PRELID3B: variants seen among roughly 807,000 people sequenced by gnomAD.
The protein encoded by PRELID3B is PRELI domain containing protein 3B.
A neutral mutation model predicts 24.0 loss-of-function variants in PRELID3B; 15 were observed. That is an observed-to-expected ratio of 0.63 (90% CI 0.42 to 0.96). The LOEUF (loss-of-function observed/expected upper bound fraction) is 0.96. Among genes scored for constraint, PRELID3B ranks in the 40% least tolerant of loss-of-function variants. The pLI is 0.00. For synonymous variants in PRELID3B, 62 were observed against 76.0 expected, an observed-to-expected ratio of 0.82 and a Z score of 0.96; for missense variants, 189 against 236.0, an observed-to-expected ratio of 0.80 and a Z score of 1.30.
At chr20:59,036,604 A>G in intron 4 of PRELID3B, 31 bp from the exon 5 acceptor site, 1 of 1,597,062 alleles carries the variant, frequency 6.3e-7, no homozygotes, top group Non-Finnish European at 8.6e-7. Context: ...ACAGGTTCAG[A>G]TGACCCAGCT....
At position 59,036,514 on chromosome 20, in the gene PRELID3B, A is replaced by G. The variant is rs1362901567; in HGVS notation, c.422T>C (p.Leu141Pro). 3 of 1,614,210 alleles carry G rather than the reference A, an allele frequency of 1.9e-6. No homozygotes were observed. In the African/African-American group the frequency reaches 4.0e-5, roughly 22 times the overall value. The part of the protein sequence containing the change: ...TVKGVSLSSY[L>P]EGLMASTISS... ...TATCGTACTTGCCATCAGTCCTTCA[A>G]GGTAACTGCTGAGGCTAACTCCTTT... The change falls in exon 5 of 6, where the codon CTT (leucine) becomes CCT (proline). Residue 141 changes from leucine (L) to proline (P), a missense_variant. By Grantham distance (98) the Leu-to-Pro change is moderately conservative. Transcript: ENST00000355937.
chr20:59,034,986 G>A lies in PRELID3B; in HGVS notation c.*21C>T, dbSNP rs770735526. On this transcript the variant is annotated 3_prime_UTR_variant, in exon 6 of 6. Coordinates refer to ENST00000355937, the MANE Select transcript of PRELID3B (RefSeq NM_016045.3). Reference sequence around the variant, plus strand: ...TTTGGAGAGACCTGGAGTACCCGATGTTGTCTACCAACTGTCACGATCACT... The same window carrying A: ...TTTGGAGAGACCTGGAGTACCCGATATTGTCTACCAACTGTCACGATCACT... 5 of 1,601,774 alleles carry A rather than the reference G, an allele frequency of 3.1e-6. No homozygotes were observed. The highest frequency in any genetic ancestry group is 1.7e-5 in the Admixed American group (1 of 57,950).
chr20:59,041,867 C>T (rs976945042), intron 1 of PRELID3B, among the ~76,000 whole-genome samples: 1 of 152,168 alleles, frequency 6.6e-6, no homozygotes, highest in Non-Finnish European at 1.5e-5. Context: ...CGGAACAGAG[C>T]AGGTAACTCG....
intron 1 of PRELID3B, among the ~76,000 whole-genome samples, chr20:59,041,789 G>C (rs1431191838): frequency 1.3e-5 from 2 of 152,112 alleles, no homozygotes; most frequent in East Asian, 3.8e-4. Flanking sequence ...AAACATAAAT[G>C]GCTTTGTAGC....
intron 5 of PRELID3B, 79 bp from the exon 6 acceptor site, chr20:59,035,205 A>C: frequency 7.4e-7 from 1 of 1,351,982 alleles, no homozygotes; most frequent in South Asian, 1.5e-5. Flanking sequence ...ACCAGGAAGT[A>C]ACAAGGGGCG....
In PRELID3B at chr20:59,038,860, A is replaced by G. The variant is rs549478694; in HGVS notation, c.33-226T>C. On this transcript the variant is annotated intron_variant, in intron 1 of 5. Transcript: ENST00000355937. ...CAATACAGGCTATGTAAAAAAACTC[A>G]TATCTATAAAGATCAAAGCAGTCTA... is the stretch of plus-strand genomic sequence containing the variant. Among the ~76,000 whole-genome samples the G allele has an allele frequency of 7.2e-5, 11 of 152,318 alleles. No individual in the cohort carries two copies. In the South Asian group the frequency reaches 1.9e-3, roughly 26 times the overall value.
In PRELID3B at chr20:59,036,586, A is replaced by T. The variant is rs1280556056; in HGVS notation, c.363-13T>A. On this transcript the variant is annotated splice_polypyrimidine_tract_variant and intron_variant, in intron 4 of 5. Transcript: ENST00000355937. Reference sequence around the variant, plus strand: ...TGTCAAAACAGTTCTGGAACAAAACATATTCACACAGGTTCAGATGACCCA... The same window carrying T: ...TGTCAAAACAGTTCTGGAACAAAACTTATTCACACAGGTTCAGATGACCCA... The T allele has an allele frequency of 1.2e-6, 2 of 1,607,686 alleles. No individual in the cohort carries two copies. Among genetic ancestry groups the T allele is most frequent in the Non-Finnish European group, 1.7e-6 (2 of 1,176,304 alleles).
chr20:59,037,104 C>T, intron 3 of PRELID3B, 87 bp downstream of exon 3: 1 of 960,706 alleles, frequency 1.0e-6, no homozygotes, highest in Non-Finnish European at 1.6e-6. Context: ...ACATCATGAA[C>T]ACGCACTCAC....
Position 59,035,048 on chromosome 20 carries a change from T to G in PRELID3B, c.544A>C (p.Ile182Leu). Residue 182 changes from isoleucine (I) to leucine (L), a missense_variant, in exon 6 of 6, where the codon ATA (isoleucine) becomes CTA (leucine). Transcript: ENST00000355937. The stretch of plus-strand genomic sequence containing the variant: ...GCTGCTGCTGCCATTGGAGTCCTTA[T>G]GGTTCCTCTTGCTGAGGCTGTCAGT... ...EELTASARGT[I>L]RTPMAAAAFA... The G allele has an allele frequency of 6.2e-7, 1 of 1,614,082 alleles. No individual in the cohort carries two copies. Among genetic ancestry groups the G allele is most frequent in the Non-Finnish European group, 8.5e-7 (1 of 1,179,986 alleles).
At chr20:59,036,635 T>TAA in intron 4 of PRELID3B, 55 bp downstream of exon 4, 7 of 1,582,970 alleles carry the variant, frequency 4.4e-6, no homozygotes, top group Non-Finnish European at 6.1e-6. Context: ...AAAAACTTGA[T>TAA]AAAAAAACCT....
intron 1 of PRELID3B, 123 bp downstream of exon 1, chr20:59,042,576 C>G: frequency 1.9e-6 from 2 of 1,080,970 alleles, no homozygotes; most frequent in South Asian, 2.9e-5. Flanking sequence ...CCGCAGGCTT[C>G]AGAGTTCGCT....
intron 1 of PRELID3B, among the ~76,000 whole-genome samples, 173 bp from the exon 2 acceptor site, chr20:59,038,807 A>G (rs2146393647): frequency 6.6e-6 from 1 of 152,336 alleles, no homozygotes; most frequent in Non-Finnish European, 1.5e-5. Context: ...ACTGATCTAC[A>G]TTTTTAACAG....
intron 2 of PRELID3B, among the ~76,000 whole-genome samples, chr20:59,037,939 C>T (rs943640203): frequency 2.6e-5 from 4 of 152,208 alleles, no homozygotes; most frequent in South Asian, 2.1e-4. Flanking sequence ...CCAGTTTTCT[C>T]GCATTATGGT....
At position 59,034,902 on chromosome 20, in the gene PRELID3B, A is replaced by AAC; in HGVS notation, c.*104_*105insGT. On this transcript the variant is annotated 3_prime_UTR_variant, in exon 6 of 6. Coordinates refer to ENST00000355937, the MANE Select transcript of PRELID3B (RefSeq NM_016045.3). ...TACACCAACTTATCAAAAAAAAAAA[A>AAC]AAAAAAACTACCCAAAATATAGTTG... 8.7e-7 allele frequency: 1 copy of AAC among 1,152,792 alleles called. No individual in the cohort carries two copies. The highest frequency in any genetic ancestry group is 1.1e-6 in the Non-Finnish European group (1 of 877,394). 71.4% of individuals were successfully genotyped at this position (1,152,792 alleles called of 1,614,324 possible).
At chr20:59,036,348 G>C (rs1233500693) in intron 5 of PRELID3B, 123 bp downstream of exon 5, 10 of 711,880 alleles carry the variant, frequency 1.4e-5, no homozygotes. Flanking sequence ...TGCCCAACGT[G>C]CTGCAGTTTC....
At chr20:59,042,471 G>A (rs1476210361) in intron 1 of PRELID3B, among the ~76,000 whole-genome samples, 1 of 152,212 alleles carries the variant, frequency 6.6e-6, no homozygotes, top group Non-Finnish European at 1.5e-5. Context: ...AGCCCTGCCG[G>A]TCGCAAGGCC....
rs1243342001 is a variant in PRELID3B at position 59,033,270 on chromosome 20, G to T, written c.*1737C>A. ...TTAGTTCTCTTAAATTCATTTGCTT[G>T]TTGTGCATTTATGTTTAAAAAGGTA... On this transcript the variant is annotated 3_prime_UTR_variant, in exon 6 of 6. Coordinates refer to ENST00000355937, the MANE Select transcript of PRELID3B (RefSeq NM_016045.3). 6.6e-6 allele frequency: 1 copy of T among 152,026 alleles called. No individual in the cohort carries two copies. Among genetic ancestry groups the T allele is most frequent in the Non-Finnish European group, 1.5e-5 (1 of 67,976 alleles). The allele number at this position is 152,026 out of a possible 1,614,324, so 9.4% of individuals were successfully genotyped here. A position where few individuals can be genotyped will look rare whatever the true frequency, so the allele number is the denominator to read the frequency against.
chr20:59,042,635 C>G lies in PRELID3B; in HGVS notation c.32+64G>C, dbSNP rs1316267826. The G allele has an allele frequency of 5.2e-6, 8 of 1,545,442 alleles. 1 individual carries two copies. In the Admixed American group the frequency reaches 1.4e-4, roughly 27 times the overall value. ...GAAGCCTCCTGCGGGCCGCCTCTGC[C>G]TCGCCTCTACTCCAGGGCCGGCGTG... On this transcript the variant is annotated intron_variant, in intron 1 of 5. Coordinates refer to ENST00000355937, the MANE Select transcript of PRELID3B (RefSeq NM_016045.3).
intron 3 of PRELID3B, 57 bp from the exon 4 acceptor site, chr20:59,036,817 A>C: frequency 1.7e-6 from 2 of 1,194,250 alleles, no homozygotes; most frequent in Non-Finnish European, 2.4e-6. Flanking sequence ...AAGATTCAAA[A>C]TGTTGCTAAA....
Sources: gnomAD v4.1 joint callset for allele counts (sites outside exome capture counted in the v4.1 genomes callset) on GRCh38, gnomAD v4.1.1 for gene constraint, MANE v1.5 for transcripts, NCBI Gene and HGNC (gene_info 2026-07-23, HGNC 2026-07-21) for gene names.